The following RBFOX1 variants were observed in gnomAD, a reference collection of about 807,000 sequenced individuals.
The protein encoded by RBFOX1 is RNA binding protein fox-1 homolog 1.
In RBFOX1, 8 loss-of-function variants were observed where a neutral mutation model predicts 57.7. The observed-to-expected ratio is 0.14, with a 90% CI of 0.08 to 0.25. The LOEUF (loss-of-function observed/expected upper bound fraction) is 0.25, where lower values mean the gene tolerates loss of function less well. RBFOX1 is among the 10% of genes least tolerant of loss of function. The pLI is 1.00. For missense variants in RBFOX1, 611 were observed against 548.5 expected, an observed-to-expected ratio of 1.11 and a Z score of -1.14; for synonymous variants, 326 against 222.4, an observed-to-expected ratio of 1.47 and a Z score of -4.15.
chr16:7,263,898 C>G (rs1424292960), intron 4 of RBFOX1, among the ~76,000 whole-genome samples: 2 of 141,818 alleles, frequency 1.4e-5, no homozygotes, highest in East Asian at 2.1e-4. Context: ...AAAACTCAGT[C>G]TCAAAATATA....
At chr16:5,761,627 G>A (rs1276664203) in intron 3 of RBFOX1, among the ~76,000 whole-genome samples, 2 of 152,076 alleles carry the variant, frequency 1.3e-5, no homozygotes, top group African/African-American at 4.8e-5. Context: ...ACTATCACAA[G>A]AACAACATGA....
intron 2 of RBFOX1, among the ~76,000 whole-genome samples, chr16:6,374,885 T>G (rs748253830): frequency 4.6e-5 from 7 of 152,216 alleles, no homozygotes; most frequent in Non-Finnish European, 8.8e-5. Flanking sequence ...TCTTAGCCTG[T>G]CAAGATTTAT....
chr16:6,874,578 G>A (rs1167257633), intron 3 of RBFOX1, among the ~76,000 whole-genome samples: 1 of 150,962 alleles, frequency 6.6e-6, no homozygotes, highest in Non-Finnish European at 1.5e-5. Flanking sequence ...TGGAGTGAGA[G>A]GCCGTTATTG....
chr16:7,560,993 A>G (rs1033994220), intron 5 of RBFOX1, among the ~76,000 whole-genome samples: 2 of 152,160 alleles, frequency 1.3e-5, no homozygotes, highest in South Asian at 4.1e-4. Flanking sequence ...TGTGTGGTTT[A>G]TTCATTTCTC....
intron 4 of RBFOX1, among the ~76,000 whole-genome samples, chr16:7,144,475 G>T (rs1057188922): frequency 7.4e-6 from 1 of 134,814 alleles, no homozygotes; most frequent in Non-Finnish European, 1.5e-5. Flanking sequence ...CTGGAGTGCA[G>T]TGGTGGCACA....
At chr16:6,513,299 T>C (rs766396545) in intron 2 of RBFOX1, among the ~76,000 whole-genome samples, 1 of 152,232 alleles carries the variant, frequency 6.6e-6, no homozygotes, top group Non-Finnish European at 1.5e-5. Context: ...GGGACTGGGC[T>C]GCTGGTAGTG....
intron 5 of RBFOX1, among the ~76,000 whole-genome samples, chr16:7,522,744 T>G (rs760021783): frequency 6.6e-5 from 10 of 151,952 alleles, no homozygotes; most frequent in Non-Finnish European, 1.0e-4. Flanking sequence ...GGAAAGAAAG[T>G]GATGAAGTGT....
intron 3 of RBFOX1, among the ~76,000 whole-genome samples, chr16:5,617,871 C>G (rs2048084282): frequency 6.6e-6 from 1 of 152,126 alleles, no homozygotes; most frequent in South Asian, 2.1e-4. Context: ...ATTTCCGAAG[C>G]TTATCTGTGA....
chr16:6,794,199 A>G lies in RBFOX1; in HGVS notation c.-16+139549A>G, dbSNP rs561905089. On this transcript the variant is annotated intron_variant, in intron 3 of 15. Coordinates refer to ENST00000550418, the MANE Select transcript of RBFOX1 (RefSeq NM_018723.4). ...TACCTGGAGAAGTTGATGCGGGATT[A>G]CTGGGAGAAGGCTTGTGACTTTTAG... is the stretch of plus-strand genomic sequence containing the variant. 7.3e-5 allele frequency among the ~76,000 whole-genome samples: 11 copies of G among 151,368 alleles called. No homozygotes were observed. In the South Asian group the frequency reaches 2.3e-3, roughly 32 times the overall value.
intron 4 of RBFOX1, among the ~76,000 whole-genome samples, chr16:7,296,229 G>C (rs969951992): frequency 4.0e-5 from 6 of 148,728 alleles, no homozygotes; most frequent in African/African-American, 1.5e-4. Flanking sequence ...CAATTTGAAG[G>C]ACTGTCCTTT....
intron 2 of RBFOX1, among the ~76,000 whole-genome samples, chr16:6,572,590 C>T (rs752326714): frequency 6.6e-6 from 1 of 151,536 alleles, no homozygotes; most frequent in Non-Finnish European, 1.5e-5. Context: ...CATCTTCCCA[C>T]CTTCTCTGTC....
chr16:7,382,327 C>T (rs916635627), intron 4 of RBFOX1, among the ~76,000 whole-genome samples: 3 of 152,150 alleles, frequency 2.0e-5, no homozygotes, highest in Admixed American at 6.6e-5. Context: ...CCACAGCCCT[C>T]AAGAGTTTAT....
chr16:6,437,598 C>T (rs1230770482), intron 2 of RBFOX1, among the ~76,000 whole-genome samples: 2 of 152,262 alleles, frequency 1.3e-5, no homozygotes, highest in East Asian at 3.9e-4. Context: ...CTATGAAGAA[C>T]TACCTGAGAC....
intron 3 of RBFOX1, among the ~76,000 whole-genome samples, chr16:6,751,484 T>C (rs1380202124): frequency 6.6e-6 from 1 of 152,190 alleles, no homozygotes; most frequent in Non-Finnish European, 1.5e-5. Flanking sequence ...TCTTAGTCCA[T>C]GTACAGCAAC....
intron 5 of RBFOX1, among the ~76,000 whole-genome samples, chr16:7,527,650 C>T (rs930653826): frequency 7.2e-5 from 11 of 152,166 alleles, no homozygotes; most frequent in Admixed American, 7.2e-4. Flanking sequence ...AGGCACGTTA[C>T]ATAACTTCTC....
chr16:5,450,827 C>A (rs1323738633), intron 1 of RBFOX1, among the ~76,000 whole-genome samples: 1 of 152,260 alleles, frequency 6.6e-6, no homozygotes, highest in African/African-American at 2.4e-5. Context: ...GAAGTGTGCA[C>A]CAGATGCACA....
intron 2 of RBFOX1, among the ~76,000 whole-genome samples, chr16:6,465,896 G>GTT (rs2095038347): frequency 6.6e-6 from 1 of 151,982 alleles, no homozygotes; most frequent in African/African-American, 2.4e-5. Flanking sequence ...GTGTGTGTGT[G>GTT]TGTGTGTTCT....
intron 2 of RBFOX1, among the ~76,000 whole-genome samples, chr16:6,427,484 G>T (rs2093963167): frequency 6.6e-6 from 1 of 152,112 alleles, no homozygotes; most frequent in South Asian, 2.1e-4. Context: ...AGACAGCAAA[G>T]CTTACCAGTA....
At chr16:7,302,857 A>G (rs919993485) in intron 4 of RBFOX1, among the ~76,000 whole-genome samples, 3 of 152,150 alleles carry the variant, frequency 2.0e-5, no homozygotes, top group African/African-American at 7.2e-5. Flanking sequence ...CTACTAATGA[A>G]TAATTATTAC....
Sources: allele counts gnomAD v4.1 joint callset (sites outside exome capture counted in the v4.1 genomes callset), GRCh38; gene constraint gnomAD v4.1.1; transcripts MANE v1.5; gene names NCBI Gene and HGNC (gene_info 2026-07-23, HGNC 2026-07-21).